CAPN11: variants seen among roughly 807,000 people sequenced by gnomAD.
The protein encoded by CAPN11 is calpain-11.
Under a neutral mutation model 105.3 loss-of-function variants are expected in CAPN11, and 108 were observed. The observed-to-expected ratio is 1.03, with a 90% CI of 0.88 to 1.20. CAPN11 has a LOEUF of 1.20. Ranked by LOEUF, CAPN11 falls within the 50% of genes most tolerant of loss-of-function variation. The probability of loss-of-function intolerance (pLI) is 0.00; values close to 1 mark genes in which losing one functional copy is unlikely to be tolerated. For missense variants in CAPN11, 883 were observed against 924.8 expected, an observed-to-expected ratio of 0.95 and a Z score of 0.59; for synonymous variants, 329 against 344.5, an observed-to-expected ratio of 0.96 and a Z score of 0.50.
Position 44,176,871 on chromosome 6 carries a change from GC to G in CAPN11, c.1111del (p.Leu371SerfsTer78), listed in dbSNP as rs766925642. The G allele has an allele frequency of 3.7e-6, 6 of 1,613,762 alleles. No individual in the cohort carries two copies. In the East Asian group the frequency reaches 1.1e-4, roughly 30 times the overall value. On this transcript the variant is annotated frameshift_variant, in exon 11 of 23. Coordinates refer to ENST00000398776, the MANE Select transcript of CAPN11 (RefSeq NM_007058.4). LOFTEE classifies it high-confidence loss of function. Reference protein sequence around the residue: ...SYQDFLNNFTLLEICNLTPDT... With the variant: ...SYQDFLNNFTXLEICNLTPDT... The stretch of plus-strand genomic sequence containing the variant: ...ACCAAGATTTCCTGAACAACTTCAC[GC>G]TCCTGGAGATCTGCAACCTCACGCC...
intron 2 of CAPN11, among the ~76,000 whole-genome samples, 199 bp downstream of exon 2, chr6:44,167,028 G>A (rs1010743978): frequency 5.3e-5 from 8 of 152,076 alleles, no homozygotes; most frequent in Admixed American, 3.3e-4. Flanking sequence ...TGGGCAGGAT[G>A]TCCAGAGTCC....
chr6:44,179,213 C>G (rs1772711190), intron 12 of CAPN11, among the ~76,000 whole-genome samples: 1 of 152,124 alleles, frequency 6.6e-6, no homozygotes, highest in Admixed American at 6.6e-5. Context: ...AATCACCTCA[C>G]ATCTTTGGGA....
chr6:44,163,497 A>G (rs1273821684), intron 1 of CAPN11, among the ~76,000 whole-genome samples: 3 of 152,334 alleles, frequency 2.0e-5, no homozygotes, highest in Non-Finnish European at 2.9e-5. Context: ...GGCTGAGAGC[A>G]TAGAGCAGCC....
intron 12 of CAPN11, among the ~76,000 whole-genome samples, chr6:44,178,031 T>C (rs1180304589): frequency 1.3e-5 from 2 of 152,122 alleles, no homozygotes; most frequent in Non-Finnish European, 2.9e-5. Context: ...TTAAAATTTT[T>C]CGTAAGATAG....
At chr6:44,179,331 C>T (rs1456903607) in intron 12 of CAPN11, among the ~76,000 whole-genome samples, 3 of 148,580 alleles carry the variant, frequency 2.0e-5, no homozygotes, top group Non-Finnish European at 4.5e-5. Context: ...GACAGGGTCT[C>T]ACTCTATTGC....
intron 2 of CAPN11, among the ~76,000 whole-genome samples, chr6:44,168,143 AC>A (rs1389517043): frequency 6.6e-6 from 1 of 151,946 alleles, no homozygotes; most frequent in African/African-American, 2.4e-5. Flanking sequence ...TCCCAAAGAA[AC>A]CCCATACCCT....
In CAPN11 at chr6:44,176,961, C is replaced by A. The variant is rs1040262422; in HGVS notation, c.1200C>A (p.Arg400=). Residue 400 remains arginine (R), a synonymous_variant, in exon 11 of 23, where the codon CGC becomes CGA. Coordinates refer to ENST00000398776, the MANE Select transcript of CAPN11 (RefSeq NM_007058.4). ...WHTTFYEGSW[R]RGSSAGGCRN... ...CCACCTTCTACGAGGGCAGCTGGCG[C>A]AGAGGCAGCTCCGCAGGGGGCTGCA... The A allele has an allele frequency of 1.2e-6, 2 of 1,613,732 alleles. No individual in the cohort carries two copies. Among genetic ancestry groups the A allele is most frequent in the African/African-American group, 2.7e-5 (2 of 74,906 alleles).
chr6:44,184,069 G>A lies in CAPN11; in HGVS notation c.*137G>A. 1.1e-6 allele frequency: 1 copy of A among 896,180 alleles called. No individual in the cohort carries two copies. Among genetic ancestry groups the A allele is most frequent in the Non-Finnish European group, 1.7e-6 (1 of 579,590 alleles). 55.5% of individuals were successfully genotyped at this position (896,180 alleles called of 1,614,324 possible). A position where few individuals can be genotyped will look rare whatever the true frequency, so the allele number is the denominator to read the frequency against. ...ATGGGCTCCAGGTGGCAGTGCCCGG[G>A]TCCCAGGTGCCGTGTTTACTGCAGC... On this transcript the variant is annotated 3_prime_UTR_variant, in exon 23 of 23. Coordinates refer to ENST00000398776, the MANE Select transcript of CAPN11 (RefSeq NM_007058.4).
intron 2 of CAPN11, among the ~76,000 whole-genome samples, chr6:44,167,061 A>T (rs577340952): frequency 2.0e-5 from 3 of 152,022 alleles, no homozygotes; most frequent in Admixed American, 6.6e-5. Flanking sequence ...CAGGCCCGGG[A>T]TCCATCAGTC....
chr6:44,165,366 C>T (rs1173209040), intron 1 of CAPN11, among the ~76,000 whole-genome samples: 8 of 152,166 alleles, frequency 5.3e-5, no homozygotes, highest in Non-Finnish European at 7.4e-5. Flanking sequence ...GAATATCACC[C>T]ATCTCACAGG....
Position 44,177,223 on chromosome 6 carries a change from T to C in CAPN11, c.1238-19T>C. On this transcript the variant is annotated intron_variant, in intron 11 of 22. Transcript: ENST00000398776. ...AAGGGAAGCCCCCGTATAACCACGC[T>C]GACCCACTTCCGCCACAGGCACGTT... The C allele has an allele frequency of 6.4e-7, 1 of 1,560,898 alleles. No homozygotes were observed. The highest frequency in any genetic ancestry group is 8.7e-7 in the Non-Finnish European group (1 of 1,151,476).
chr6:44,159,772 T>C (rs567141393), intron 1 of CAPN11, among the ~76,000 whole-genome samples: 6 of 152,216 alleles, frequency 3.9e-5, no homozygotes, highest in East Asian at 1.9e-4. Flanking sequence ...CTTAGTTTTT[T>C]CCCAGTGCCG....
chr6:44,162,196 T>C (rs369073210), intron 1 of CAPN11, among the ~76,000 whole-genome samples: 1 of 152,050 alleles, frequency 6.6e-6, no homozygotes, highest in South Asian at 2.1e-4. Context: ...ATGGGAATAG[T>C]CATCCTGATC....
chr6:44,167,489 C>T (rs935170199), intron 2 of CAPN11, among the ~76,000 whole-genome samples: 13 of 116,726 alleles, frequency 1.1e-4, no homozygotes, highest in Non-Finnish European at 2.1e-4. Context: ...CAGAATGAGA[C>T]TCCATCTCAA....
At chr6:44,166,656 T>G in intron 1 of CAPN11, 102 bp from the exon 2 acceptor site, 1 of 873,396 alleles carries the variant, frequency 1.1e-6, no homozygotes, top group Admixed American at 2.1e-5. Context: ...AACCCAGTTC[T>G]TTTCCTCATT....
At chr6:44,160,556 G>T (rs932515175) in intron 1 of CAPN11, among the ~76,000 whole-genome samples, 1 of 152,130 alleles carries the variant, frequency 6.6e-6, no homozygotes, top group African/African-American at 2.4e-5. Flanking sequence ...GGTGGAGCTT[G>T]CAGTGAGCCA....
At chr6:44,162,406 CA>C (rs1561837091) in intron 1 of CAPN11, among the ~76,000 whole-genome samples, 2 of 149,134 alleles carry the variant, frequency 1.3e-5, no homozygotes, top group African/African-American at 5.0e-5. Context: ...CACACACACA[CA>C]CACCTGTAAT....
chr6:44,166,931 T>C (rs552441597), intron 2 of CAPN11, 102 bp downstream of exon 2: 5 of 611,200 alleles, frequency 8.2e-6, no homozygotes, highest in Non-Finnish European at 1.2e-5. Flanking sequence ...AAGTCAGTCA[T>C]GTTGTGTGGG....
chr6:44,178,470 T>C (rs1214139462), intron 12 of CAPN11, among the ~76,000 whole-genome samples: 1 of 152,096 alleles, frequency 6.6e-6, no homozygotes, highest in African/African-American at 2.4e-5. Flanking sequence ...TGCATTCCCT[T>C]ATATAAGCAA....
Sources: gnomAD v4.1 joint callset for allele counts (sites outside exome capture counted in the v4.1 genomes callset) on GRCh38, gnomAD v4.1.1 for gene constraint, MANE v1.5 for transcripts, NCBI Gene and HGNC (gene_info 2026-07-23, HGNC 2026-07-21) for gene names.